The following CTNNA3 variants were observed in gnomAD, a reference collection of about 807,000 sequenced individuals.
CTNNA3 encodes catenin alpha 3.
A neutral mutation model predicts 95.7 loss-of-function variants in CTNNA3; 76 were observed. The ratio of observed to expected loss-of-function variants is 0.79; its 90% CI spans 0.66 to 0.96. CTNNA3 has a LOEUF of 0.96. Ranked by LOEUF, CTNNA3 falls within the 40% of genes least tolerant of loss-of-function variation. The pLI, the probability that CTNNA3 is intolerant of heterozygous loss-of-function variation, is 0.00. For synonymous variants in CTNNA3, 431 were observed against 374.4 expected (o/e 1.15, Z -1.74); for missense variants, 1,191 against 1,089.8 (o/e 1.09, Z -1.31).
chr10:66,693,433 C>A (rs1589134470), intron 9 of CTNNA3, among the ~76,000 whole-genome samples: 1 of 149,784 alleles, frequency 6.7e-6, no homozygotes, highest in Admixed American at 6.6e-5. Context: ...TATATGCACC[C>A]AATACAGGAG....
chr10:66,296,987 G>T (rs938615892), intron 12 of CTNNA3, among the ~76,000 whole-genome samples: 1 of 152,074 alleles, frequency 6.6e-6, no homozygotes, highest in East Asian at 1.9e-4. Flanking sequence ...TCTTTTTCTT[G>T]TCCACTTTCT....
chr10:66,980,267 T>C (rs1163369196), intron 7 of CTNNA3, among the ~76,000 whole-genome samples: 1 of 152,202 alleles, frequency 6.6e-6, no homozygotes, highest in African/African-American at 2.4e-5. Context: ...GTTCCTTGTC[T>C]CTTCTCCTAA....
intron 10 of CTNNA3, among the ~76,000 whole-genome samples, chr10:66,552,105 G>A (rs1842237634): frequency 6.6e-6 from 1 of 151,612 alleles, no homozygotes; most frequent in African/African-American, 2.4e-5. Context: ...GGGTTTCATC[G>A]TGTTAGCCAC....
chr10:67,619,154 T>C (rs755774516), intron 2 of CTNNA3, among the ~76,000 whole-genome samples: 9 of 152,200 alleles, frequency 5.9e-5, no homozygotes, highest in African/African-American at 1.2e-4. Context: ...CTGACTTTCT[T>C]AAGCTCTCAA....
intron 15 of CTNNA3, among the ~76,000 whole-genome samples, chr10:65,997,455 G>A (rs149903413): frequency 5.0e-4 from 76 of 152,150 alleles, no homozygotes; most frequent in Non-Finnish European, 9.0e-4. Flanking sequence ...GGTGGAGAGC[G>A]GTGGCCTGGG....
intron 5 of CTNNA3, among the ~76,000 whole-genome samples, chr10:67,382,571 C>CAGAT (rs1450755160): frequency 6.6e-6 from 1 of 152,140 alleles, no homozygotes; most frequent in Admixed American, 6.5e-5. Context: ...TGGCTCTCAT[C>CAGAT]ATCTGCTATA....
chr10:67,188,599 A>T (rs1862973556), intron 6 of CTNNA3, among the ~76,000 whole-genome samples: 1 of 152,202 alleles, frequency 6.6e-6, no homozygotes. Flanking sequence ...TCCTTAAAAA[A>T]TTGAAAATAG....
chr10:66,102,345 G>A (rs1281238267), intron 14 of CTNNA3, among the ~76,000 whole-genome samples: 1 of 152,174 alleles, frequency 6.6e-6, no homozygotes, highest in African/African-American at 2.4e-5. Flanking sequence ...TAAGTGGTCT[G>A]TTAGTTGACT....
At chr10:66,199,585 A>AGTTT (rs534955423) in intron 13 of CTNNA3, among the ~76,000 whole-genome samples, 18 of 150,352 alleles carry the variant, frequency 1.2e-4, no homozygotes, top group East Asian at 7.9e-4. Context: ...CAGACCAAAT[A>AGTTT]GTTTGTTTGT....
chr10:66,740,042 G>A (rs1027345936), intron 9 of CTNNA3, among the ~76,000 whole-genome samples: 2 of 152,198 alleles, frequency 1.3e-5, no homozygotes, highest in African/African-American at 2.4e-5. Flanking sequence ...CAGATCATTT[G>A]GGGAATCATG....
intron 7 of CTNNA3, among the ~76,000 whole-genome samples, chr10:67,055,766 C>T (rs1389396637): frequency 1.3e-5 from 2 of 152,008 alleles, no homozygotes; most frequent in African/African-American, 2.4e-5. Context: ...AAAGATGTAC[C>T]TCAAAGGTTC....
intron 1 of CTNNA3, chr10:67,750,312 A>G (rs1841398977): frequency 6.6e-7 from 1 of 1,524,714 alleles, no homozygotes; most frequent in Non-Finnish European, 9.1e-7. Context: ...CTCAATACCA[A>G]AGCCAAGATG....
chr10:66,783,539 C>G (rs975295220), intron 7 of CTNNA3, among the ~76,000 whole-genome samples: 4 of 152,050 alleles, frequency 2.6e-5, no homozygotes, highest in Non-Finnish European at 5.9e-5. Context: ...AAGTGCCTAC[C>G]CCTGAAGAAA....
At chr10:67,536,823 A>G (rs1447840025) in intron 4 of CTNNA3, among the ~76,000 whole-genome samples, 1 of 152,138 alleles carries the variant, frequency 6.6e-6, no homozygotes, top group Non-Finnish European at 1.5e-5. Flanking sequence ...TTCCTCTTCC[A>G]TATTTTCAAA....
chr10:66,671,333 CA>C (rs1266899387), intron 9 of CTNNA3, among the ~76,000 whole-genome samples: 1 of 152,042 alleles, frequency 6.6e-6, no homozygotes, highest in African/African-American at 2.4e-5. Context: ...CTATTGAAAT[CA>C]TTTTTTTAAT....
chr10:66,613,100 A>T (rs145585168), intron 10 of CTNNA3, among the ~76,000 whole-genome samples: 108 of 152,200 alleles, frequency 7.1e-4, no homozygotes, highest in African/African-American at 2.6e-3. Flanking sequence ...GAGGCTGTAA[A>T]CACTTTGGTT....
intron 17 of CTNNA3, among the ~76,000 whole-genome samples, chr10:65,922,543 C>G (rs2077104418): frequency 1.3e-5 from 2 of 152,078 alleles, no homozygotes; most frequent in African/African-American, 4.8e-5. Flanking sequence ...AAAGAAGAAC[C>G]ATAAACAAAT....
At chr10:66,119,408 C>T (rs189886849) in intron 13 of CTNNA3, among the ~76,000 whole-genome samples, 1 of 152,156 alleles carries the variant, frequency 6.6e-6, no homozygotes, top group Non-Finnish European at 1.5e-5. Flanking sequence ...GTTCCTATTA[C>T]TCTCTCTCAC....
At chr10:66,242,948 A>G (rs1044662579) in intron 13 of CTNNA3, among the ~76,000 whole-genome samples, 2 of 152,226 alleles carry the variant, frequency 1.3e-5, no homozygotes, top group African/African-American at 4.8e-5. Context: ...GTGTAAACTT[A>G]AAATAAAATT....
Sources: gnomAD v4.1 joint callset for allele counts (sites outside exome capture counted in the v4.1 genomes callset) on GRCh38, gnomAD v4.1.1 for gene constraint, MANE v1.5 for transcripts, NCBI Gene and HGNC (gene_info 2026-07-23, HGNC 2026-07-21) for gene names.